MYH3: variants seen among roughly 807,000 people sequenced by gnomAD.
MYH3 encodes the protein myosin-3.
Under a neutral mutation model 238.0 loss-of-function variants are expected in MYH3, and 130 were observed. That is an observed-to-expected ratio of 0.55 (90% CI 0.47 to 0.63). The LOEUF (loss-of-function observed/expected upper bound fraction) is 0.63. Ranked by LOEUF, MYH3 falls within the 30% of genes least tolerant of loss-of-function variation. The pLI, the probability that MYH3 is intolerant of heterozygous loss-of-function variation, is 0.00. For synonymous variants in MYH3, 880 were observed against 924.1 expected (o/e 0.95, Z 0.86); for missense variants, 1,853 against 2,374.9 (o/e 0.78, Z 4.57).
At chr17:10,639,898 A>G in intron 22 of MYH3, 96 bp from the exon 23 acceptor site, 1 of 1,592,202 alleles carries the variant, frequency 6.3e-7, no homozygotes, top group Middle Eastern at 1.7e-4. Context: ...AAGCATTTCA[A>G]CTAAAAAGCA....
At chr17:10,637,691 T>C in intron 28 of MYH3, 118 bp downstream of exon 28, 9 of 1,396,162 alleles carry the variant, frequency 6.4e-6, no homozygotes, top group Non-Finnish European at 8.0e-6. Flanking sequence ...TCTTCTCTCC[T>C]GAAAAGATGC....
chr17:10,672,604 A>C, the MYH3 span: 1 of 152,160 alleles, frequency 6.6e-6, no homozygotes, highest in African/African-American at 2.4e-5. Context: ...CATTTTTACC[A>C]CTTCCCCAAA....
At chr17:10,633,345 T>C (rs1175895123) in intron 33 of MYH3, among the ~76,000 whole-genome samples, 1 of 152,254 alleles carries the variant, frequency 6.6e-6, no homozygotes, top group Non-Finnish European at 1.5e-5. Context: ...ATATTTTTAA[T>C]TCATGTAATA....
At chr17:10,630,705 G>A (rs569622644) in intron 36 of MYH3, among the ~76,000 whole-genome samples, 3 of 152,284 alleles carry the variant, frequency 2.0e-5, no homozygotes, top group Non-Finnish European at 4.4e-5. Flanking sequence ...CAAAAAATTA[G>A]CTGGGCGTGG....
chr17:10,641,537 C>T (rs1274256733), intron 17 of MYH3, among the ~76,000 whole-genome samples, 165 bp from the exon 18 acceptor site: 7 of 124,796 alleles, frequency 5.6e-5, no homozygotes, highest in South Asian at 5.3e-4. Context: ...TTTTTTGAGA[C>T]GGAGTCTCGC....
At chr17:10,675,201 C>T in the MYH3 span, 300 of 152,354 alleles carry the variant, frequency 2.0e-3, 1 homozygote, top group East Asian at 0.025. Flanking sequence ...CTAAGTGTGG[C>T]TACTCTGCTC....
At position 10,634,904 on chromosome 17, in the gene MYH3, A is replaced by G. The variant is rs2074198754; in HGVS notation, c.4292T>C (p.Val1431Ala). ...RLQGEVEDLMVDVERANSLAA... is the reference protein window; with the variant it reads ...RLQGEVEDLMADVERANSLAA... The stretch of plus-strand genomic sequence containing the variant: ...CAAGGAATTGGCTCTTTCAACATCA[A>G]CCATCAGATCCTCCACCTCTCCTTG... The change falls in exon 31 of 41, where the codon GTT (valine) becomes GCT (alanine). Residue 1431 changes from valine (V) to alanine (A), a missense_variant. Physicochemically the swap from Val to Ala is moderately conservative, Grantham distance 64 (BLOSUM62 0). Transcript: ENST00000583535. The G allele has an allele frequency of 3.7e-6, 6 of 1,613,938 alleles. No individual in the cohort carries two copies. The African/African-American group carries it at 5.3e-5, about 14-fold the overall frequency.
At chr17:10,674,011 C>A in the MYH3 span, 1 of 152,186 alleles carries the variant, frequency 6.6e-6, no homozygotes, top group Non-Finnish European at 1.5e-5. Context: ...ATTCATTATT[C>A]TTTCTTGACT....
At position 10,635,579 on chromosome 17, in the gene MYH3, A is replaced by G; in HGVS notation, c.3976-16T>C. 6.2e-7 allele frequency: 1 copy of G among 1,614,248 alleles called. No homozygotes were observed. Among genetic ancestry groups the G allele is most frequent in the Non-Finnish European group, 8.5e-7 (1 of 1,180,048 alleles). ...CGTTCTTGGCCTGCAGAAGTTAAAA[A>G]GAGAAGAGCACCTGATATATTTAGT... On this transcript the variant is annotated splice_polypyrimidine_tract_variant and intron_variant, in intron 29 of 40. Coordinates refer to ENST00000583535, the MANE Select transcript of MYH3 (RefSeq NM_002470.4).
chr17:10,633,024 C>T (rs1398026223), intron 33 of MYH3, among the ~76,000 whole-genome samples: 1 of 152,116 alleles, frequency 6.6e-6, no homozygotes, highest in Non-Finnish European at 1.5e-5. Context: ...CCAGCCTGAC[C>T]AATGTAGTGA....
the MYH3 span, among the ~76,000 whole-genome samples, chr17:10,671,547 C>G: frequency 1.3e-5 from 2 of 148,294 alleles, no homozygotes; most frequent in East Asian, 3.9e-4. Context: ...TGTTTGTGTC[C>G]TTTGCCCTGC....
At position 10,642,316 on chromosome 17, in the gene MYH3, A is replaced by G; in HGVS notation, c.1889-6T>C. 6.2e-7 allele frequency: 1 copy of G among 1,614,138 alleles called. No homozygotes were observed. Among genetic ancestry groups the G allele is most frequent in the Non-Finnish European group, 8.5e-7 (1 of 1,180,000 alleles). On this transcript the variant is annotated splice_region_variant and splice_polypyrimidine_tract_variant and intron_variant, in intron 16 of 40. Transcript: ENST00000583535. This position sits in a 1 kb window ranked among gnomAD's most constrained non-coding sequence, Gnocchi z 5.4. ...TTTCTTCTTTCCACTGTCAGCTGAA[A>G]GCAATAAGGGAGGGCACGTGCTGTA...
At position 10,639,557 on chromosome 17, in the gene MYH3, T is replaced by C. The variant is rs1402850885; in HGVS notation, c.2925+3A>G. On this transcript the variant is annotated splice_donor_region_variant and intron_variant, in intron 23 of 40. Coordinates refer to ENST00000583535, the MANE Select transcript of MYH3 (RefSeq NM_002470.4). ...AAGCTAGACACACCTACAATAAGAA[T>C]ACCTTGTTCTCTGTGGCATGCTTCT... The C allele has an allele frequency of 1.9e-5, 30 of 1,614,040 alleles. No individual in the cohort carries two copies. Among genetic ancestry groups the C allele is most frequent in the Non-Finnish European group, 2.4e-5 (28 of 1,180,024 alleles).
intron 17 of MYH3, among the ~76,000 whole-genome samples, chr17:10,641,962 T>C (rs1286009800): frequency 4.6e-5 from 7 of 152,178 alleles, no homozygotes; most frequent in Non-Finnish European, 1.0e-4. Context: ...GAGCGTGAGG[T>C]CTATTGCTGG....
chr17:10,637,155 G>C (rs1261141178), intron 28 of MYH3, among the ~76,000 whole-genome samples: 3 of 151,608 alleles, frequency 2.0e-5, no homozygotes, highest in Non-Finnish European at 4.4e-5. Context: ...CGCCTCCTGG[G>C]TTCAAGCGAT....
At chr17:10,673,743 G>A in the MYH3 span, 3 of 152,202 alleles carry the variant, frequency 2.0e-5, no homozygotes, top group African/African-American at 7.2e-5. Context: ...GCCCCGATAA[G>A]GCCCCACAGG....
the MYH3 span, among the ~76,000 whole-genome samples, chr17:10,671,859 G>A: frequency 1.5e-3 from 224 of 152,224 alleles, no homozygotes; most frequent in South Asian, 2.9e-3. Context: ...GATTACAGGC[G>A]TGAGCACCTG....
At chr17:10,628,828 C>A in intron 40 of MYH3, 149 bp from the exon 41 acceptor site, 1 of 825,020 alleles carries the variant, frequency 1.2e-6, no homozygotes, top group Non-Finnish European at 2.1e-6. Context: ...CGATTGCACA[C>A]ATGAAGTCAC....
In MYH3 at chr17:10,629,601, C is replaced by G. The variant is rs746571273; in HGVS notation, c.5792G>C (p.Ser1931Thr). 2 of 1,613,260 alleles carry G rather than the reference C, an allele frequency of 1.2e-6. No homozygotes were observed. The highest frequency in any genetic ancestry group is 1.7e-6 in the Non-Finnish European group (2 of 1,180,046). ...CCTCCCAGCTCAGCGACTCACCCTG[C>G]TGGAGGTGAAGTCTCGAGTCTTAGC... ...LRAKTRDFTS[S>T]RMVVHESEE Residue 1931 changes from serine to threonine, a missense_variant, in exon 40 of 41, where the codon AGC becomes ACC. By Grantham distance (58) the Ser-to-Thr change is moderately conservative. Around this residue, in one of 3 missense-constraint regions of MYH3, gnomAD observed 1,044 missense variants for 1,192.6 expected, o/e 0.88. Transcript: ENST00000583535.
Sources: gnomAD v4.1 joint callset for allele counts (sites outside exome capture counted in the v4.1 genomes callset) on GRCh38, gnomAD v4.1.1 for gene constraint, gnomAD v4.1.1 regional missense constraint, Gnocchi (gnomAD v3.1) non-coding constraint, MANE v1.5 for transcripts, NCBI Gene and HGNC (gene_info 2026-07-23, HGNC 2026-07-21) for gene names.